The following PACS1 variants were observed in gnomAD, a reference collection of about 807,000 sequenced individuals.
The protein encoded by PACS1 is PACS-1.
In PACS1, 24 loss-of-function variants were observed where a neutral mutation model predicts 115.0. The observed-to-expected ratio is 0.21, with a 90% CI of 0.15 to 0.29. The LOEUF is 0.29. PACS1 is among the 10% of genes least tolerant of loss of function. PACS1 has a pLI of 1.00. For missense variants in PACS1, 838 were observed against 1,251.2 expected, an observed-to-expected ratio of 0.67 and a Z score of 4.98; for synonymous variants, 453 against 504.5, an observed-to-expected ratio of 0.90 and a Z score of 1.37.
At chr11:66,110,141 A>G (rs1858153992) in intron 1 of PACS1, among the ~76,000 whole-genome samples, 1 of 152,114 alleles carries the variant, frequency 6.6e-6, no homozygotes, top group South Asian at 2.1e-4. Flanking sequence ...ACTTCTCTGA[A>G]AGCATTGAGA....
intron 2 of PACS1, among the ~76,000 whole-genome samples, chr11:66,197,452 T>G (rs1325252459): frequency 6.6e-6 from 1 of 152,158 alleles, no homozygotes; most frequent in Non-Finnish European, 1.5e-5. Flanking sequence ...CAACTAATCT[T>G]TAGGAAACTA....
chr11:66,121,187 G>T, intron 1 of PACS1: 1 of 426,738 alleles, frequency 2.3e-6, no homozygotes, highest in Non-Finnish European at 4.7e-6. Flanking sequence ...ACGGTGATCA[G>T]TGGTCTTTGA....
intron 1 of PACS1, among the ~76,000 whole-genome samples, chr11:66,134,931 C>G (rs1278559614): frequency 1.3e-5 from 2 of 152,248 alleles, no homozygotes; most frequent in East Asian, 1.9e-4. Flanking sequence ...CTTATTTCAG[C>G]CAAGTGCAGT....
chr11:66,086,134 CTTTTTTTTT>C (rs1196106929), intron 1 of PACS1, among the ~76,000 whole-genome samples: 88 of 122,826 alleles, frequency 7.2e-4, no homozygotes, highest in African/African-American at 1.9e-3. Context: ...CTTATGATTT[CTTTTTTTTT>C]TTTTTTTTTT....
In PACS1 at chr11:66,220,783, C is replaced by G. The variant is rs1173512855; in HGVS notation, c.1191C>G (p.Pro397=). The change falls in exon 9 of 24, where the codon CCC becomes CCG. Residue 397 remains proline, a synonymous_variant. Coordinates refer to ENST00000320580, the MANE Select transcript of PACS1 (RefSeq NM_018026.4). The part of the protein sequence containing the change: ...ETESILSTPK[P]KLKPFFEGMS... ...AAAGCATCCTCAGCACGCCAAAGCC[C>G]AAGCTCAAGTGAGCCCCCCTCTCTG... 1.9e-6 allele frequency: 3 copies of G among 1,613,680 alleles called. No individual in the cohort carries two copies. The highest frequency in any genetic ancestry group is 2.5e-6 in the Non-Finnish European group (3 of 1,179,870).
In PACS1 at chr11:66,233,375, T is replaced by C. The variant is rs960655518; in HGVS notation, c.1838+309T>C. ...AGAGGACACACTGGTTTTAAAAAGA[T>C]CTTTTATTCCTTCCATCTGCAACAT... On this transcript the variant is annotated intron_variant, in intron 15 of 23. Transcript: ENST00000320580. This position sits in a 1 kb window ranked among gnomAD's most constrained non-coding sequence, Gnocchi z 4.5. Among the ~76,000 whole-genome samples, 3 of 152,210 alleles carry C rather than the reference T, an allele frequency of 2.0e-5. No homozygotes were observed. The highest frequency in any genetic ancestry group is 1.5e-5 in the Non-Finnish European group (1 of 68,038).
chr11:66,078,021 TACA>T (rs1298761097), intron 1 of PACS1, among the ~76,000 whole-genome samples: 1 of 152,166 alleles, frequency 6.6e-6, no homozygotes, highest in Non-Finnish European at 1.5e-5. Flanking sequence ...GTTTTTAAGG[TACA>T]ACAAAGGTTG....
chr11:66,171,420 C>G lies in PACS1; in HGVS notation c.357-22066C>G, dbSNP rs74235291. On this transcript the variant is annotated intron_variant, in intron 1 of 23. Coordinates refer to ENST00000320580, the MANE Select transcript of PACS1 (RefSeq NM_018026.4). ...TTTAATATATTTATACTTACTGTGG[C>G]TATTGATATCCATAGGTGTTTTTTT... is the stretch of plus-strand genomic sequence containing the variant. Among the ~76,000 whole-genome samples, 1,269 of 150,088 alleles carry G rather than the reference C, an allele frequency of 8.5e-3. 97 individuals carry two copies. In the East Asian group the frequency reaches 0.17, roughly 20 times the overall value.
chr11:66,214,944 T>C (rs1276234851), intron 4 of PACS1, among the ~76,000 whole-genome samples: 1 of 151,636 alleles, frequency 6.6e-6, no homozygotes, highest in African/African-American at 2.4e-5. Flanking sequence ...TCTTTTCTTT[T>C]CTTTTTTAGA....
chr11:66,121,142 G>C (rs1474379555), intron 1 of PACS1: 1 of 444,450 alleles, frequency 2.2e-6, no homozygotes, highest in African/African-American at 2.0e-5. Flanking sequence ...GGTAATTCTT[G>C]CAGTATTTAA....
chr11:66,198,953 T>C (rs1854710445), intron 2 of PACS1, among the ~76,000 whole-genome samples: 1 of 152,324 alleles, frequency 6.6e-6, no homozygotes, highest in South Asian at 2.1e-4. Flanking sequence ...TATTGATAGA[T>C]AAACCTACAT....
At chr11:66,131,382 G>C (rs1234078424) in intron 1 of PACS1, among the ~76,000 whole-genome samples, 1 of 152,128 alleles carries the variant, frequency 6.6e-6, no homozygotes, top group Non-Finnish European at 1.5e-5. Flanking sequence ...ATACTGGGTA[G>C]TCTTTGGATT....
intron 1 of PACS1, chr11:66,100,758 T>C (rs1219456402): frequency 4.4e-6 from 2 of 455,946 alleles, no homozygotes; most frequent in East Asian, 1.4e-4. Flanking sequence ...TCTTGTGCAG[T>C]CTCCCTCACC....
At chr11:66,137,857 G>A (rs928945009) in intron 1 of PACS1, among the ~76,000 whole-genome samples, 9 of 152,214 alleles carry the variant, frequency 5.9e-5, no homozygotes, top group African/African-American at 1.7e-4. Context: ...AGACTTTAAT[G>A]TGAACAGGAA....
chr11:66,157,703 T>C (rs1859391453), intron 1 of PACS1, among the ~76,000 whole-genome samples: 1 of 152,132 alleles, frequency 6.6e-6, no homozygotes, highest in Non-Finnish European at 1.5e-5. Context: ...TGGGACTTGT[T>C]ATCACAGACA....
At position 66,235,894 on chromosome 11, in the gene PACS1, A is replaced by G. The variant is rs1464412127; in HGVS notation, c.2208-4A>G. ...CTATGAAGCTCTCCTGTGTCTCCCAACAGCCCTGATGAAGACTCCTATCAG... is the reference window on the plus strand; with the variant it reads ...CTATGAAGCTCTCCTGTGTCTCCCAGCAGCCCTGATGAAGACTCCTATCAG... On this transcript the variant is annotated splice_region_variant and splice_polypyrimidine_tract_variant and intron_variant, in intron 18 of 23. Transcript: ENST00000320580. The surrounding 1 kb of genome is among the most constrained non-coding windows in gnomAD (Gnocchi z 5.6). The G allele has an allele frequency of 3.1e-6, 5 of 1,613,464 alleles. No homozygotes were observed. Among genetic ancestry groups the G allele is most frequent in the East Asian group, 4.5e-5 (2 of 44,876 alleles).
At chr11:66,157,346 T>G (rs1395750694) in intron 1 of PACS1, among the ~76,000 whole-genome samples, 1 of 152,144 alleles carries the variant, frequency 6.6e-6, no homozygotes, top group Non-Finnish European at 1.5e-5. Flanking sequence ...GATGAGTCAT[T>G]TAGGTTTCAA....
At chr11:66,191,764 C>A (rs1402479747) in intron 1 of PACS1, among the ~76,000 whole-genome samples, 1 of 152,228 alleles carries the variant, frequency 6.6e-6, no homozygotes, top group Non-Finnish European at 1.5e-5. Context: ...TGGCTCACGC[C>A]TGTAATCCTA....
intron 8 of PACS1, 48 bp downstream of exon 8, chr11:66,219,853 T>G: frequency 1.2e-4 from 146 of 1,232,364 alleles, no homozygotes; most frequent in Non-Finnish European, 1.6e-4. Context: ...ATTCCCCGGG[T>G]TTCACCCAGC....
Sources: gnomAD v4.1 joint callset for allele counts (sites outside exome capture counted in the v4.1 genomes callset) on GRCh38, gnomAD v4.1.1 for gene constraint, Gnocchi (gnomAD v3.1) non-coding constraint, MANE v1.5 for transcripts, NCBI Gene and HGNC (gene_info 2026-07-23, HGNC 2026-07-21) for gene names.